Variants in TENM3 observed in about 807,000 individuals in gnomAD.
TENM3 encodes teneurin-3.
TENM3 carries 63 observed loss-of-function variants against 255.1 expected under a neutral mutation model. The observed-to-expected ratio is 0.25, with a 90% CI of 0.20 to 0.30. The LOEUF is 0.30. TENM3 is among the 10% of genes least tolerant of loss of function. TENM3 has a pLI of 1.00. For missense variants in TENM3, 2,929 were observed against 3,461.1 expected (o/e 0.85, Z 3.86); for synonymous variants, 1,306 against 1,322.3 (o/e 0.99, Z 0.27).
chr4:181,552,810 G>A, the TENM3 span, among the ~76,000 whole-genome samples: 1 of 152,206 alleles, frequency 6.6e-6, no homozygotes, highest in African/African-American at 2.4e-5. Context: ...GGAGGTCCCG[G>A]AAGTCTTTCC....
At chr4:181,662,582 T>C in the TENM3 span, among the ~76,000 whole-genome samples, 5 of 152,190 alleles carry the variant, frequency 3.3e-5, no homozygotes, top group Non-Finnish European at 7.3e-5. Context: ...CCAAGACTAT[T>C]CTCCCATTAG....
At chr4:182,573,416 T>G (rs1744602742) in intron 3 of TENM3, among the ~76,000 whole-genome samples, 1 of 152,184 alleles carries the variant, frequency 6.6e-6, no homozygotes, top group African/African-American at 2.4e-5. Flanking sequence ...AACATTAAAG[T>G]AAGCTTTTTG....
chr4:181,594,761 A>G, the TENM3 span, among the ~76,000 whole-genome samples: 2 of 152,206 alleles, frequency 1.3e-5, no homozygotes, highest in Non-Finnish European at 2.9e-5. Context: ...TCATTTAGAT[A>G]ACCATGAGGC....
At chr4:181,865,125 A>T in the TENM3 span, among the ~76,000 whole-genome samples, 1 of 152,244 alleles carries the variant, frequency 6.6e-6, no homozygotes, top group Non-Finnish European at 1.5e-5. Flanking sequence ...GCTTACAGAT[A>T]GAAAAAGTGT....
At chr4:181,887,931 T>C in the TENM3 span, among the ~76,000 whole-genome samples, 1 of 152,138 alleles carries the variant, frequency 6.6e-6, no homozygotes, top group Non-Finnish European at 1.5e-5. Flanking sequence ...TATGTACACA[T>C]GAGAAAAAAG....
the TENM3 span, among the ~76,000 whole-genome samples, chr4:181,849,693 C>T: frequency 6.6e-6 from 1 of 152,100 alleles, no homozygotes; most frequent in Non-Finnish European, 1.5e-5. Context: ...CCCCCACGTC[C>T]TTTTGTATGA....
chr4:182,241,754 G>A (rs562057542), upstream of TENM3, among the ~76,000 whole-genome samples: 6 of 151,992 alleles, frequency 3.9e-5, no homozygotes, highest in Admixed American at 3.3e-4. Flanking sequence ...TGATCCACCT[G>A]CCTCGGCCTC....
intron 3 of TENM3, among the ~76,000 whole-genome samples, chr4:182,486,164 A>G (rs962935096): frequency 6.6e-6 from 1 of 152,104 alleles, no homozygotes; most frequent in African/African-American, 2.4e-5. Flanking sequence ...AGATATTTGG[A>G]CTTTATCTGG....
At chr4:182,648,811 C>T (rs183168873) in intron 5 of TENM3, among the ~76,000 whole-genome samples, 1 of 152,188 alleles carries the variant, frequency 6.6e-6, no homozygotes, top group East Asian at 1.9e-4. Context: ...TATACATGAA[C>T]TTATACAGTA....
At chr4:182,551,208 G>A (rs1741969807) in intron 3 of TENM3, among the ~76,000 whole-genome samples, 1 of 135,570 alleles carries the variant, frequency 7.4e-6, no homozygotes, top group Non-Finnish European at 1.6e-5. Flanking sequence ...GCGACAGAGT[G>A]AGACTCCATC....
chr4:181,827,902 C>T, the TENM3 span, among the ~76,000 whole-genome samples: 1 of 152,064 alleles, frequency 6.6e-6, no homozygotes, highest in African/African-American at 2.4e-5. Flanking sequence ...CAAGACAGGG[C>T]TTGTGACTGG....
At chr4:181,996,000 T>G in the TENM3 span, among the ~76,000 whole-genome samples, 2 of 151,924 alleles carry the variant, frequency 1.3e-5, no homozygotes, top group African/African-American at 4.8e-5. Context: ...GACTCTAAAA[T>G]AGGCTCCCCT....
At chr4:182,000,255 G>A in the TENM3 span, among the ~76,000 whole-genome samples, 1 of 152,058 alleles carries the variant, frequency 6.6e-6, no homozygotes, top group Non-Finnish European at 1.5e-5. Context: ...AGTCAGTGTT[G>A]GGGGAGCAAT....
At chr4:182,511,320 C>T (rs1331144868) in intron 3 of TENM3, among the ~76,000 whole-genome samples, 1 of 152,136 alleles carries the variant, frequency 6.6e-6, no homozygotes, top group Non-Finnish European at 1.5e-5. Flanking sequence ...ACCCACTGTG[C>T]ATATCACTAT....
chr4:181,979,234 C>T, the TENM3 span, among the ~76,000 whole-genome samples: 2 of 138,842 alleles, frequency 1.4e-5, no homozygotes, highest in Non-Finnish European at 3.1e-5. Context: ...AGTTTTTTTT[C>T]TTCGTATTTC....
the TENM3 span, among the ~76,000 whole-genome samples, chr4:182,028,095 G>A: frequency 5.3e-5 from 8 of 152,082 alleles, no homozygotes; most frequent in African/African-American, 1.9e-4. Context: ...AAGCTATTGG[G>A]TCCTAGGCTT....
At chr4:181,998,340 G>A in the TENM3 span, among the ~76,000 whole-genome samples, 15 of 152,124 alleles carry the variant, frequency 9.9e-5, no homozygotes, top group Middle Eastern at 3.2e-3. Flanking sequence ...AGAGGCCAAC[G>A]CTGAAACAAG....
At chr4:182,225,315 C>A (rs1286534950) in intron 1 of TENM3, among the ~76,000 whole-genome samples, 1 of 152,116 alleles carries the variant, frequency 6.6e-6, no homozygotes, top group Non-Finnish European at 1.5e-5. Flanking sequence ...TTCATCTAAA[C>A]ATGGAAAATA....
At chr4:182,344,374 G>T (rs1764667547) in intron 2 of TENM3, among the ~76,000 whole-genome samples, 1 of 152,138 alleles carries the variant, frequency 6.6e-6, no homozygotes, top group Non-Finnish European at 1.5e-5. Flanking sequence ...TTGAATCATT[G>T]TAAGACATTG....
Sources: allele counts gnomAD v4.1 joint callset (sites outside exome capture counted in the v4.1 genomes callset), GRCh38; gene constraint gnomAD v4.1.1; transcripts MANE v1.5; gene names NCBI Gene and HGNC (gene_info 2026-07-23, HGNC 2026-07-21).